The following CACNA1C variants were observed in gnomAD, a reference collection of about 807,000 sequenced individuals.
The protein encoded by CACNA1C is voltage-dependent L-type calcium channel subunit alpha-1C.
A neutral mutation model predicts 229.0 loss-of-function variants in CACNA1C; 30 were observed. The ratio of observed to expected loss-of-function variants is 0.13; its 90% CI spans 0.10 to 0.18. CACNA1C has a LOEUF of 0.18. CACNA1C is among the 10% of genes least tolerant of loss of function. CACNA1C has a pLI of 1.00. For synonymous variants in CACNA1C, 1,114 were observed against 1,132.5 expected (o/e 0.98, Z 0.33); for missense variants, 1,658 against 2,845.0 (o/e 0.58, Z 9.49).
At chr12:2,032,651 A>G (rs570910790) in intron 1 of CACNA1C, among the ~76,000 whole-genome samples, 21 of 152,344 alleles carry the variant, frequency 1.4e-4, no homozygotes, top group African/African-American at 4.8e-4. Flanking sequence ...GAAAGGAGAC[A>G]CAGTTCAGTG....
chr12:2,153,339 CAT>C (rs1249904977), intron 3 of CACNA1C, among the ~76,000 whole-genome samples: 1 of 151,968 alleles, frequency 6.6e-6, no homozygotes, highest in African/African-American at 2.4e-5. Context: ...CATAATATAA[CAT>C]TCACATTTTA....
intron 3 of CACNA1C, among the ~76,000 whole-genome samples, chr12:2,378,370 A>G (rs574781990): frequency 6.6e-6 from 1 of 152,258 alleles, no homozygotes; most frequent in East Asian, 1.9e-4. Context: ...GGCCTCTGCA[A>G]TCTGCAGTCT....
intron 1 of CACNA1C, among the ~76,000 whole-genome samples, chr12:2,039,545 G>T (rs940831083): frequency 3.3e-5 from 5 of 152,182 alleles, no homozygotes; most frequent in African/African-American, 7.2e-5. Context: ...AAATTCAAAG[G>T]TAAGTACAAC....
chr12:2,389,882 G>A (rs2098455319), intron 3 of CACNA1C, among the ~76,000 whole-genome samples: 1 of 152,110 alleles, frequency 6.6e-6, no homozygotes, highest in South Asian at 2.1e-4. Flanking sequence ...GCTGGTTACA[G>A]TGAATTCCCG....
chr12:2,628,136 C>T (rs1346162603), intron 29 of CACNA1C, among the ~76,000 whole-genome samples: 1 of 152,224 alleles, frequency 6.6e-6, no homozygotes, highest in Non-Finnish European at 1.5e-5. Context: ...TGACTGAAAG[C>T]TGGTGCGGCC....
chr12:2,007,779 GTCT>G (rs1480157445), intron 1 of CACNA1C, among the ~76,000 whole-genome samples: 8 of 152,056 alleles, frequency 5.3e-5, no homozygotes, highest in Non-Finnish European at 1.0e-4. Context: ...TTGCCCATCT[GTCT>G]TCTTAGCTTG....
At chr12:2,299,356 C>A (rs1241421863) in intron 3 of CACNA1C, among the ~76,000 whole-genome samples, 1 of 152,098 alleles carries the variant, frequency 6.6e-6, no homozygotes, top group Admixed American at 6.6e-5. Flanking sequence ...AAACTAAAAA[C>A]GTTTTCCGGT....
chr12:2,620,751 C>A (rs1199558807), intron 29 of CACNA1C, among the ~76,000 whole-genome samples: 1 of 152,220 alleles, frequency 6.6e-6, no homozygotes, highest in Non-Finnish European at 1.5e-5. Flanking sequence ...CACACATGCA[C>A]ACACATTTGC....
At chr12:1,992,047 C>A in intron 1 of CACNA1C, 1 of 357,772 alleles carries the variant, frequency 2.8e-6, no homozygotes, top group Non-Finnish European at 5.9e-6. Context: ...TTCAAACTGG[C>A]ATTTCTGTAG....
intron 1 of CACNA1C, among the ~76,000 whole-genome samples, chr12:1,990,865 C>G (rs1473222930): frequency 6.6e-6 from 1 of 151,918 alleles, no homozygotes; most frequent in African/African-American, 2.4e-5. Flanking sequence ...GACACTCTGA[C>G]AGCACCTGTG....
Position 2,666,613 on chromosome 12 carries a change from C to T in CACNA1C, c.4527-73C>T, listed in dbSNP as rs903510210. On this transcript the variant is annotated intron_variant, in intron 36 of 46. Transcript: ENST00000399655. This position sits in a 1 kb window ranked among gnomAD's most constrained non-coding sequence, Gnocchi z 5.3. ...ATATGAGTGGGCCCTACCCCTCAGG[C>T]GCATGCGTCCTGGGCTGCTGGCAGA... 21 of 905,948 alleles carry T rather than the reference C, an allele frequency of 2.3e-5. No individual in the cohort carries two copies. Among genetic ancestry groups the T allele is most frequent in the South Asian group, 4.4e-5 (3 of 67,616 alleles). The allele number at this position is 905,948 out of a possible 1,614,324, so 56.1% of individuals were successfully genotyped here.
rs1411585917 is a variant in CACNA1C at position 2,605,335 on chromosome 12, A to G, written c.3048+167A>G. ...ATGTCCCGGTTCCGTAATGAACAGA[A>G]TAGTAACAGAGGCAGCCATCCCAAG... On this transcript the variant is annotated intron_variant, in intron 23 of 46. Coordinates refer to ENST00000399655, the MANE Select transcript of CACNA1C (RefSeq NM_000719.7). This position sits in a 1 kb window ranked among gnomAD's most constrained non-coding sequence, Gnocchi z 6.2. Among the ~76,000 whole-genome samples, 1 of 152,178 alleles carries G rather than the reference A, an allele frequency of 6.6e-6. No homozygotes were observed.
chr12:2,419,681 A>G (rs571297247), intron 3 of CACNA1C, among the ~76,000 whole-genome samples: 30 of 152,304 alleles, frequency 2.0e-4, no homozygotes, highest in African/African-American at 7.0e-4. Flanking sequence ...TTCAAAGAAT[A>G]GTCCCTCTAG....
intron 1 of CACNA1C, among the ~76,000 whole-genome samples, chr12:2,093,032 C>T (rs970312604): frequency 2.0e-4 from 31 of 152,230 alleles, no homozygotes; most frequent in Admixed American, 1.0e-3. Flanking sequence ...CTGCAAACCC[C>T]GCACTCTGGC....
intron 29 of CACNA1C, among the ~76,000 whole-genome samples, chr12:2,616,451 C>CG (rs1555894825): frequency 6.6e-6 from 1 of 152,214 alleles, no homozygotes; most frequent in Non-Finnish European, 1.5e-5. Flanking sequence ...CTCCCACTGT[C>CG]AGTTGCCCCA....
intron 1 of CACNA1C, among the ~76,000 whole-genome samples, chr12:2,099,792 C>T (rs1264701684): frequency 6.6e-6 from 1 of 152,138 alleles, no homozygotes; most frequent in African/African-American, 2.4e-5. Context: ...GCCAACCTGC[C>T]TGAGGCCGCT....
At chr12:2,415,701 T>G (rs1411067400) in intron 3 of CACNA1C, among the ~76,000 whole-genome samples, 1 of 152,254 alleles carries the variant, frequency 6.6e-6, no homozygotes, top group East Asian at 1.9e-4. Context: ...GTTCGGGGCC[T>G]TCCTGCTTGA....
In CACNA1C at chr12:2,180,436, A is replaced by C. The variant is rs577777266; in HGVS notation, c.477+60006A>C. Among the ~76,000 whole-genome samples, 10 of 152,380 alleles carry C rather than the reference A, an allele frequency of 6.6e-5. No individual in the cohort carries two copies. In the South Asian group the frequency reaches 2.1e-3, roughly 32 times the overall value. On this transcript the variant is annotated intron_variant, in intron 3 of 46. Transcript: ENST00000399655. ...TTTGGAGGAAGCGAAATGTCCCAGC[A>C]GGATGAGTCAGTGGGAGAATGGAAC...
intron 9 of CACNA1C, among the ~76,000 whole-genome samples, chr12:2,526,599 C>T (rs2099818881): frequency 6.6e-6 from 1 of 152,214 alleles, no homozygotes; most frequent in African/African-American, 2.4e-5. Context: ...TTTGATTCAC[C>T]AGCAGGGCCC....
Sources: gnomAD v4.1 joint callset for allele counts (sites outside exome capture counted in the v4.1 genomes callset) on GRCh38, gnomAD v4.1.1 for gene constraint, Gnocchi (gnomAD v3.1) non-coding constraint, MANE v1.5 for transcripts, NCBI Gene and HGNC (gene_info 2026-07-23, HGNC 2026-07-21) for gene names.